KIFC3: variants seen among roughly 807,000 people sequenced by gnomAD.
KIFC3 encodes the protein kinesin-like protein KIFC3.
In KIFC3, 60 loss-of-function variants were observed where a neutral mutation model predicts 101.8. That is an observed-to-expected ratio of 0.59 (90% CI 0.48 to 0.73). The LOEUF (loss-of-function observed/expected upper bound fraction) is 0.73. Ranked by LOEUF, KIFC3 falls within the 30% of genes least tolerant of loss-of-function variation. The pLI is 0.00. For missense variants in KIFC3, 966 were observed against 1,137.1 expected, an observed-to-expected ratio of 0.85 and a Z score of 2.16; for synonymous variants, 476 against 482.7, an observed-to-expected ratio of 0.99 and a Z score of 0.18.
intron 1 of KIFC3, among the ~76,000 whole-genome samples, chr16:57,824,028 C>T (rs2149281888): frequency 1.3e-5 from 2 of 152,356 alleles, no homozygotes; most frequent in South Asian, 4.1e-4. Flanking sequence ...CCTGCCCTTG[C>T]AGAGTCCTGT....
rs1211232870 is a variant in KIFC3 at position 57,780,617 on chromosome 16, C to T, written c.316-8329G>A. ...AGAAGAAGGCAGCAGCCAAACAAGA[C>T]ACATTTGAGGGCAAGATCTAGTTTT... On this transcript the variant is annotated intron_variant, in intron 3 of 19. Coordinates refer to ENST00000445690, the MANE Select transcript of KIFC3 (RefSeq NM_001130100.2). 3.5e-5 allele frequency among the ~76,000 whole-genome samples: 5 copies of T among 143,616 alleles called. No individual in the cohort carries two copies. The East Asian group carries it at 1.0e-3, about 29-fold the overall frequency. The allele number at this position is 143,616 out of a possible 152,430, so 94.2% of individuals were successfully genotyped here.
chr16:57,816,665 A>G (rs1304935674), intron 1 of KIFC3: 2 of 456,174 alleles, frequency 4.4e-6, no homozygotes, highest in Admixed American at 2.4e-5. Context: ...GGCAGCCTCC[A>G]CCCCTCCCCA....
At chr16:57,761,231 T>G in intron 14 of KIFC3, 60 bp from the exon 15 acceptor site, 1 of 1,602,520 alleles carries the variant, frequency 6.2e-7, no homozygotes, top group Non-Finnish European at 8.5e-7. Flanking sequence ...CAGAGTCACC[T>G]GGCCCCAAGC....
chr16:57,759,073 C>T, intron 19 of KIFC3, 52 bp downstream of exon 19: 1 of 1,545,510 alleles, frequency 6.5e-7, no homozygotes, highest in Admixed American at 2.0e-5. Context: ...AGCCCTGCAA[C>T]CCACTGCGGG....
intron 1 of KIFC3, among the ~76,000 whole-genome samples, chr16:57,824,012 A>G (rs1171088588): frequency 6.6e-6 from 1 of 152,314 alleles, no homozygotes; most frequent in African/African-American, 2.4e-5. Context: ...AAAGAAATGC[A>G]TGGTTCCTGC....
intron 3 of KIFC3, among the ~76,000 whole-genome samples, chr16:57,793,178 C>T (rs1234378920): frequency 7.3e-5 from 11 of 150,510 alleles, no homozygotes; most frequent in African/African-American, 4.9e-5. Flanking sequence ...TCCAGCTATT[C>T]GGGAGGCTGA....
chr16:57,832,931 G>A (rs2055613689), intron 1 of KIFC3, among the ~76,000 whole-genome samples: 1 of 152,128 alleles, frequency 6.6e-6, no homozygotes, highest in South Asian at 2.1e-4. Flanking sequence ...AAGCCGGCCA[G>A]GCTCGGTGGC....
chr16:57,758,513 G>T lies in KIFC3; in HGVS notation c.*421C>A. 1 of 497,314 alleles carries T rather than the reference G, an allele frequency of 2.0e-6. No homozygotes were observed. Among genetic ancestry groups the T allele is most frequent in the Middle Eastern group, 3.9e-4 (1 of 2,544 alleles). The allele number at this position is 497,314 out of a possible 1,614,324, so 30.8% of individuals were successfully genotyped here. ...CCACCCCAGTCCCCATGGTTCTTGG[G>T]TCTGCCCAGAGGCTCCTCGCCCACC... On this transcript the variant is annotated 3_prime_UTR_variant, in exon 20 of 20. Transcript: ENST00000445690.
In KIFC3 at chr16:57,779,375, C is replaced by G. The variant is rs535239098; in HGVS notation, c.316-7087G>C. 1.1e-3 allele frequency: 174 copies of G among 152,226 alleles called. 2 individuals carry two copies. Among genetic ancestry groups the G allele is most frequent in the African/African-American group, 4.1e-3 (171 of 41,528 alleles). The allele number at this position is 152,226 out of a possible 1,614,324, so 9.4% of individuals were successfully genotyped here. ...ATTCCACTTACATGAGCAGTCAAAC[C>G]CACGGAGACAGATGGCGAATGAGGA... is the stretch of plus-strand genomic sequence containing the variant. On this transcript the variant is annotated intron_variant, in intron 3 of 19. Transcript: ENST00000445690.
intron 1 of KIFC3, chr16:57,816,391 G>A (rs202048396): frequency 4.2e-5 from 26 of 616,674 alleles, no homozygotes; most frequent in East Asian, 6.6e-5. Context: ...CAGAAGACCC[G>A]CCTTTGGTCA....
upstream of KIFC3, chr16:57,802,960 C>G (rs2054836080): frequency 1.3e-6 from 2 of 1,535,360 alleles, no homozygotes; most frequent in Admixed American, 2.0e-5. The surrounding 1 kb of genome is among the most constrained non-coding windows in gnomAD (Gnocchi z 5.0). Context: ...CTCTTACTCA[C>G]GAGACAATAC....
intron 11 of KIFC3, among the ~76,000 whole-genome samples, chr16:57,764,865 A>G (rs1281847764): frequency 2.0e-5 from 1 of 49,124 alleles, no homozygotes; most frequent in Non-Finnish European, 3.9e-5. Flanking sequence ...GGGGCCTGAA[A>G]GTGGGTGAGG....
chr16:57,786,437 T>G (rs903562374), intron 3 of KIFC3, among the ~76,000 whole-genome samples: 2 of 151,916 alleles, frequency 1.3e-5, no homozygotes, highest in Non-Finnish European at 2.9e-5. Context: ...CTGGGATGCT[T>G]GTTACAGCTT....
upstream of KIFC3, chr16:57,802,883 C>A: frequency 7.8e-7 from 1 of 1,276,004 alleles, no homozygotes; most frequent in Non-Finnish European, 1.1e-6. This position sits in a 1 kb window ranked among gnomAD's most constrained non-coding sequence, Gnocchi z 5.0. Context: ...CGCGAGTACT[C>A]ACACATACAC....
chr16:57,797,767 C>A (rs2054456346), intron 2 of KIFC3: 1 of 1,290,056 alleles, frequency 7.8e-7, no homozygotes, highest in Non-Finnish European at 9.8e-7. Context: ...AGGACGGCAG[C>A]CCGCAGAGCT....
At chr16:57,795,720 A>G (rs907668042) in intron 2 of KIFC3, among the ~76,000 whole-genome samples, 3 of 151,380 alleles carry the variant, frequency 2.0e-5, no homozygotes, top group Non-Finnish European at 4.4e-5. Flanking sequence ...CCAGCCACCC[A>G]CCTCCACCTG....
chr16:57,784,262 T>C (rs1442211361), intron 3 of KIFC3, among the ~76,000 whole-genome samples: 2 of 152,186 alleles, frequency 1.3e-5, no homozygotes, highest in Non-Finnish European at 2.9e-5. Flanking sequence ...GATACAGGGC[T>C]AGCCTAGAGG....
At chr16:57,815,424 G>T (rs2055197952) in intron 1 of KIFC3, 1 of 1,180,526 alleles carries the variant, frequency 8.5e-7, no homozygotes. Context: ...TGTTTTCTAG[G>T]ATCCCCTCCA....
rs1165055619 is a variant in KIFC3, at chr16:57,760,680, G to A, written c.2232+46C>T. ...GTGACTGGGTCTCACTGCTAGCGTA[G>A]CCCCTACATGCTAGGGACTGGCCCG... On this transcript the variant is annotated intron_variant, in intron 16 of 19. Transcript: ENST00000445690. 7 of 1,518,914 alleles carry A rather than the reference G, an allele frequency of 4.6e-6. No homozygotes were observed. In the East Asian group the frequency reaches 1.4e-4, roughly 29 times the overall value. 94.1% of individuals were successfully genotyped at this position (1,518,914 alleles called of 1,614,324 possible).
Sources: allele counts gnomAD v4.1 joint callset (sites outside exome capture counted in the v4.1 genomes callset), GRCh38; gene constraint gnomAD v4.1.1; non-coding constraint Gnocchi (gnomAD v3.1); transcripts MANE v1.5; gene names NCBI Gene and HGNC (gene_info 2026-07-23, HGNC 2026-07-21).